The following CDKAL1 variants were observed in gnomAD, a reference collection of about 807,000 sequenced individuals.
CDKAL1 encodes threonylcarbamoyladenosine tRNA methylthiotransferase.
Under a neutral mutation model 68.2 loss-of-function variants are expected in CDKAL1, and 32 were observed. That is an observed-to-expected ratio of 0.47 (90% CI 0.35 to 0.63). The LOEUF (loss-of-function observed/expected upper bound fraction) is 0.63. Among genes scored for constraint, CDKAL1 ranks in the 30% least tolerant of loss-of-function variants. CDKAL1 has a pLI of 0.00. For missense variants in CDKAL1, 606 were observed against 696.7 expected, an observed-to-expected ratio of 0.87 and a Z score of 1.47; for synonymous variants, 234 against 244.3, an observed-to-expected ratio of 0.96 and a Z score of 0.39.
chr6:20,579,749 T>A (rs1765066193), intron 4 of CDKAL1, among the ~76,000 whole-genome samples: 1 of 152,196 alleles, frequency 6.6e-6, no homozygotes, highest in Non-Finnish European at 1.5e-5. Context: ...CCTAACATGC[T>A]CCTCATTCGT....
chr6:20,556,482 A>C (rs1430903706), intron 4 of CDKAL1, among the ~76,000 whole-genome samples: 1 of 152,204 alleles, frequency 6.6e-6, no homozygotes, highest in Non-Finnish European at 1.5e-5. Context: ...GTGGAACCTC[A>C]ATAGGATATT....
At chr6:20,640,647 A>G (rs1768131581) in intron 4 of CDKAL1, among the ~76,000 whole-genome samples, 1 of 152,188 alleles carries the variant, frequency 6.6e-6, no homozygotes, top group South Asian at 2.1e-4. Flanking sequence ...CTGTAAGGCC[A>G]TGTAATATTA....
At chr6:20,617,357 G>A (rs542763953) in intron 4 of CDKAL1, among the ~76,000 whole-genome samples, 1 of 152,316 alleles carries the variant, frequency 6.6e-6, no homozygotes, top group East Asian at 1.9e-4. Flanking sequence ...GTTAAGTATA[G>A]CCAAATGTAT....
intron 10 of CDKAL1, among the ~76,000 whole-genome samples, chr6:20,980,316 C>A (rs1324257563): frequency 2.0e-5 from 3 of 152,100 alleles, no homozygotes; most frequent in Non-Finnish European, 2.9e-5. Flanking sequence ...CGGCTCACTG[C>A]AAGCTCCGCC....
At chr6:20,555,988 A>G (rs1158445661) in intron 4 of CDKAL1, among the ~76,000 whole-genome samples, 1 of 152,030 alleles carries the variant, frequency 6.6e-6, no homozygotes, top group East Asian at 1.9e-4. Context: ...GGTGGAAAGA[A>G]GGGGGTATAT....
chr6:20,957,968 C>CA (rs60301451), intron 10 of CDKAL1, among the ~76,000 whole-genome samples: 8,503 of 66,478 alleles, frequency 0.13, 438 homozygotes, highest in East Asian at 0.3. Context: ...AAGATTATCT[C>CA]AAAAAAAAAA....
At chr6:20,616,839 CCACACACACACACACACACA>C (rs756883799) in intron 4 of CDKAL1, among the ~76,000 whole-genome samples, 18 of 121,394 alleles carry the variant, frequency 1.5e-4, no homozygotes, top group African/African-American at 5.4e-4. Context: ...CCCGACTCTA[CCACACACACACACACACACA>C]CACACACACA....
At chr6:20,571,200 T>C (rs112241957) in intron 4 of CDKAL1, among the ~76,000 whole-genome samples, 42 of 152,214 alleles carry the variant, frequency 2.8e-4, no homozygotes, top group Non-Finnish European at 2.9e-4. Context: ...TGTGCAAGGC[T>C]GACCAACTCA....
chr6:20,926,305 G>A (rs1391719952), intron 9 of CDKAL1, among the ~76,000 whole-genome samples: 1 of 152,016 alleles, frequency 6.6e-6, no homozygotes, highest in African/African-American at 2.4e-5. Flanking sequence ...TTTATGTCAA[G>A]GATATGTTGA....
intron 11 of CDKAL1, among the ~76,000 whole-genome samples, chr6:21,020,796 A>G (rs1768617372): frequency 7.5e-6 from 1 of 133,828 alleles, no homozygotes; most frequent in Non-Finnish European, 1.6e-5. Context: ...TTTTTTTAAG[A>G]GATAGGGTCT....
At chr6:20,958,496 C>T (rs1230601858) in intron 10 of CDKAL1, among the ~76,000 whole-genome samples, 1 of 152,174 alleles carries the variant, frequency 6.6e-6, no homozygotes, top group Non-Finnish European at 1.5e-5. Flanking sequence ...CTGTGCACAG[C>T]AATACCTTGT....
chr6:21,151,532 A>G (rs184047512), intron 13 of CDKAL1, among the ~76,000 whole-genome samples: 36 of 152,358 alleles, frequency 2.4e-4, no homozygotes, highest in African/African-American at 7.7e-4. Flanking sequence ...TCAAATATCT[A>G]CTAAAATAAC....
At chr6:20,836,269 C>T (rs1777937033) in intron 8 of CDKAL1, among the ~76,000 whole-genome samples, 1 of 152,130 alleles carries the variant, frequency 6.6e-6, no homozygotes, top group Non-Finnish European at 1.5e-5. Context: ...TTGCTGAGTT[C>T]CAGCCATCAT....
chr6:20,965,548 A>T (rs1765267808), intron 10 of CDKAL1, among the ~76,000 whole-genome samples: 1 of 152,132 alleles, frequency 6.6e-6, no homozygotes. Context: ...GATCTCTCTC[A>T]CTCTAACATA....
chr6:20,950,693 C>T (rs1764479894), intron 9 of CDKAL1, among the ~76,000 whole-genome samples: 2 of 152,060 alleles, frequency 1.3e-5, no homozygotes, highest in Admixed American at 1.3e-4. Flanking sequence ...GGGCCAGACG[C>T]GGTGGCTCAT....
chr6:20,616,278 C>G (rs1289039890), intron 4 of CDKAL1, among the ~76,000 whole-genome samples: 1 of 151,490 alleles, frequency 6.6e-6, no homozygotes, highest in African/African-American at 2.4e-5. Flanking sequence ...TTTTTTGGTT[C>G]CATATGAACT....
chr6:20,890,691 G>A (rs1442849189), intron 9 of CDKAL1, among the ~76,000 whole-genome samples: 8 of 152,226 alleles, frequency 5.3e-5, no homozygotes, highest in African/African-American at 9.6e-5. Context: ...GAGATTCTGC[G>A]TCAGCGGGTC....
intron 1 of CDKAL1, 60 bp from the exon 2 acceptor site, chr6:20,535,291 T>TA (rs1324974411): frequency 6.6e-6 from 1 of 152,382 alleles, no homozygotes; most frequent in South Asian, 2.1e-4. Flanking sequence ...AAAGAATCCT[T>TA]ACAGTGGTTT....
chr6:20,614,331 C>T (rs1188289670), intron 4 of CDKAL1, among the ~76,000 whole-genome samples: 23 of 152,096 alleles, frequency 1.5e-4, no homozygotes, highest in African/African-American at 2.4e-5. Flanking sequence ...TCTGCTGTTA[C>T]TTTAATGGTT....
Sources: allele counts gnomAD v4.1 joint callset (sites outside exome capture counted in the v4.1 genomes callset), GRCh38; gene constraint gnomAD v4.1.1; transcripts MANE v1.5; gene names NCBI Gene and HGNC (gene_info 2026-07-23, HGNC 2026-07-21).